ASIC2: variants seen among roughly 807,000 people sequenced by gnomAD.
ASIC2 encodes acid sensing ion channel subunit 2.
A neutral mutation model predicts 57.3 loss-of-function variants in ASIC2; 25 were observed. The ratio of observed to expected loss-of-function variants is 0.44; its 90% CI spans 0.32 to 0.61. ASIC2 has a LOEUF of 0.61. Among genes scored for constraint, ASIC2 ranks in the 20% least tolerant of loss-of-function variants. The pLI, the probability that ASIC2 is intolerant of heterozygous loss-of-function variation, is 0.06. For missense variants in ASIC2, 641 were observed against 738.1 expected (o/e 0.87, Z 1.52); for synonymous variants, 319 against 307.5 (o/e 1.04, Z -0.39).
chr17:33,846,571 T>A (rs1488890152), intron 1 of ASIC2, among the ~76,000 whole-genome samples: 1 of 152,128 alleles, frequency 6.6e-6, no homozygotes, highest in Non-Finnish European at 1.5e-5. Context: ...CCAAAATGAC[T>A]ATTTTTCAGT....
chr17:33,701,484 C>G (rs1230726356), intron 1 of ASIC2, among the ~76,000 whole-genome samples: 1 of 152,146 alleles, frequency 6.6e-6, no homozygotes, highest in Non-Finnish European at 1.5e-5. Context: ...TGTTATAGTT[C>G]TCAGCCCAAT....
At chr17:33,531,144 G>T (rs1379310735) in intron 1 of ASIC2, among the ~76,000 whole-genome samples, 1 of 151,932 alleles carries the variant, frequency 6.6e-6, no homozygotes, top group Non-Finnish European at 1.5e-5. Flanking sequence ...TTCAGGCCTC[G>T]ATCAGTAGAA....
At chr17:33,552,203 A>G (rs577989355) in intron 1 of ASIC2, among the ~76,000 whole-genome samples, 1 of 152,330 alleles carries the variant, frequency 6.6e-6, no homozygotes, top group East Asian at 1.9e-4. Context: ...CTCTTACTAG[A>G]GAAAATGAGA....
chr17:33,350,069 G>C (rs762055600), intron 1 of ASIC2, among the ~76,000 whole-genome samples: 1 of 152,180 alleles, frequency 6.6e-6, no homozygotes, highest in Non-Finnish European at 1.5e-5. Flanking sequence ...CCGACAATTT[G>C]CCCATGTCTT....
chr17:34,099,102 A>AAGAGAGAGAG, intron 1 of ASIC2, among the ~76,000 whole-genome samples: 1 of 81,262 alleles, frequency 1.2e-5, no homozygotes, highest in East Asian at 3.4e-4. Flanking sequence ...TAAGAGAGAA[A>AAGAGAGAGAG]AGAGAGAGAG....
intron 1 of ASIC2, among the ~76,000 whole-genome samples, chr17:33,799,415 CTTTCTTTCTTTCTTCTTTCTTTCT>C (rs1567718989): frequency 4.2e-4 from 27 of 64,778 alleles, no homozygotes; most frequent in Middle Eastern, 5.6e-3. Flanking sequence ...TTCTTTCTTT[CTTTCTTTCTTTCTTCTTTCTTTCT>C]TTCTTTCTTT....
intron 1 of ASIC2, among the ~76,000 whole-genome samples, chr17:33,304,772 G>A (rs576488651): frequency 2.0e-5 from 3 of 152,246 alleles, no homozygotes; most frequent in Non-Finnish European, 2.9e-5. Context: ...ACTCAGATGC[G>A]AAACTGTCCC....
intron 1 of ASIC2, among the ~76,000 whole-genome samples, chr17:33,602,749 G>A (rs1189260947): frequency 6.6e-6 from 1 of 152,178 alleles, no homozygotes; most frequent in East Asian, 1.9e-4. Context: ...CAGGACCTTT[G>A]CATGGACTGG....
intron 1 of ASIC2, among the ~76,000 whole-genome samples, chr17:33,868,195 A>ATGTGTG (rs3071204): frequency 8.6e-5 from 12 of 140,024 alleles, no homozygotes; most frequent in African/African-American, 2.5e-4. Context: ...GTGTGTGTGT[A>ATGTGTG]TGTGTGTGTG....
intron 1 of ASIC2, among the ~76,000 whole-genome samples, chr17:34,018,885 T>C (rs1907056645): frequency 6.6e-6 from 1 of 152,066 alleles, no homozygotes; most frequent in Admixed American, 6.6e-5. Context: ...TTTTTATAGA[T>C]GAGCAAATAA....
At chr17:33,813,190 G>C (rs1410199570) in intron 1 of ASIC2, among the ~76,000 whole-genome samples, 1 of 152,026 alleles carries the variant, frequency 6.6e-6, no homozygotes, top group African/African-American at 2.4e-5. Flanking sequence ...AGTTGGGGAG[G>C]AGCACGGAGG....
chr17:33,087,440 T>C (rs1360088790), intron 3 of ASIC2, among the ~76,000 whole-genome samples: 2 of 152,144 alleles, frequency 1.3e-5, no homozygotes, highest in African/African-American at 4.8e-5. Flanking sequence ...CCCTATGTGC[T>C]TCAGTGAAGG....
chr17:34,001,482 C>A (rs1906338111), intron 1 of ASIC2: 1 of 152,508 alleles, frequency 6.6e-6, no homozygotes, highest in African/African-American at 2.4e-5. Flanking sequence ...CATCAGCATC[C>A]ACTGAGGTGG....
At position 33,650,707 on chromosome 17, in the gene ASIC2, G is replaced by A. The variant is rs567006229; in HGVS notation, c.555+505271C>T. On this transcript the variant is annotated intron_variant, in intron 1 of 9. Transcript: ENST00000359872. Reference sequence around the variant, plus strand: ...AATTGCCTGAGATTTATGCTGAGTGGAAAAAAAAAGAAACAGTCTCAAAAG... The same window carrying A: ...AATTGCCTGAGATTTATGCTGAGTGAAAAAAAAAAGAAACAGTCTCAAAAG... 2.0e-4 allele frequency among the ~76,000 whole-genome samples: 30 copies of A among 150,404 alleles called. 1 individual carries two copies. In the South Asian group the frequency reaches 5.3e-3, roughly 26 times the overall value.
intron 1 of ASIC2, among the ~76,000 whole-genome samples, chr17:33,575,909 G>A (rs1916605699): frequency 6.6e-6 from 1 of 152,072 alleles, no homozygotes; most frequent in South Asian, 2.1e-4. Flanking sequence ...CTTAGAAAGG[G>A]GATGCCTGCA....
At chr17:33,492,778 C>T (rs1210003757) in intron 1 of ASIC2, among the ~76,000 whole-genome samples, 1 of 152,204 alleles carries the variant, frequency 6.6e-6, no homozygotes, top group Non-Finnish European at 1.5e-5. Flanking sequence ...GAACTACTCC[C>T]AGCCTCTTTG....
chr17:33,864,415 C>T (rs1016883932), intron 1 of ASIC2, among the ~76,000 whole-genome samples: 2 of 152,184 alleles, frequency 1.3e-5, no homozygotes, highest in African/African-American at 4.8e-5. Flanking sequence ...AGCCCAGCCA[C>T]CTATTTGGCA....
At chr17:33,642,207 ACCCC>A (rs200980132) in intron 1 of ASIC2, among the ~76,000 whole-genome samples, 29,325 of 137,000 alleles carry the variant, frequency 0.21, 3,379 homozygotes, top group African/African-American at 0.32. Context: ...GCAAAAGGAC[ACCCC>A]CCCCCCCCCC....
intron 1 of ASIC2, among the ~76,000 whole-genome samples, chr17:33,136,538 ACTT>A (rs1413742563): frequency 6.6e-6 from 1 of 152,156 alleles, no homozygotes; most frequent in Non-Finnish European, 1.5e-5. Context: ...GTCGTGGAAA[ACTT>A]CTTCTGGAAG....
Sources: allele counts gnomAD v4.1 joint callset (sites outside exome capture counted in the v4.1 genomes callset), GRCh38; gene constraint gnomAD v4.1.1; transcripts MANE v1.5; gene names NCBI Gene and HGNC (gene_info 2026-07-23, HGNC 2026-07-21).